Variants in DRAM1 observed in about 807,000 individuals in gnomAD.
DRAM1 encodes the protein DNA damage regulated autophagy modulator 1, also known as DNA damage-regulated autophagy modulator protein 1.
A neutral mutation model predicts 28.5 loss-of-function variants in DRAM1; 25 were observed. The observed-to-expected ratio is 0.88, with a 90% CI of 0.64 to 1.23. DRAM1 has a LOEUF of 1.23. Among genes scored for constraint, DRAM1 ranks in the 50% most tolerant of loss-of-function variants. DRAM1 has a pLI of 0.00. For synonymous variants in DRAM1, 113 were observed against 114.2 expected (o/e 0.99, Z 0.07); for missense variants, 249 against 299.2 (o/e 0.83, Z 1.24).
chr12:101,908,893 C>CAAAA (rs56843086), intron 4 of DRAM1, among the ~76,000 whole-genome samples: 22 of 70,838 alleles, frequency 3.1e-4, no homozygotes, highest in South Asian at 9.5e-4. Flanking sequence ...TCCCCACAAC[C>CAAAA]AAAAAAAAAA....
At position 101,921,384 on chromosome 12, in the gene DRAM1, T is replaced by C; in HGVS notation, c.*124T>C. 1.4e-6 allele frequency: 1 copy of C among 737,456 alleles called. No homozygotes were observed. The highest frequency in any genetic ancestry group is 1.6e-5 in the South Asian group (1 of 64,342). 45.7% of individuals were successfully genotyped at this position (737,456 alleles called of 1,614,324 possible). A position where few individuals can be genotyped will look rare whatever the true frequency, so the allele number is the denominator to read the frequency against. ...ATGCATCTGCAGCACATCCAGGACT[T>C]GAATTTCATTACGAGTTCCTAATAG... is the stretch of plus-strand genomic sequence containing the variant. On this transcript the variant is annotated 3_prime_UTR_variant, in exon 7 of 7. Transcript: ENST00000258534.
intron 1 of DRAM1, among the ~76,000 whole-genome samples, chr12:101,880,837 A>C (rs9971678): frequency 0.28 from 42,262 of 152,114 alleles, 6,359 homozygotes; most frequent in East Asian, 0.38. Context: ...CCTACAAGGA[A>C]GGGGTTTAAA....
intron 1 of DRAM1, among the ~76,000 whole-genome samples, chr12:101,896,834 C>G (rs1873391566): frequency 6.6e-6 from 1 of 151,260 alleles, no homozygotes; most frequent in South Asian, 2.1e-4. Flanking sequence ...GTTGCTTAGG[C>G]TGGAGTGCAA....
In DRAM1 at chr12:101,877,654, T is replaced by C. The variant is rs888554714; in HGVS notation, c.-136T>C. On this transcript the variant is annotated 5_prime_UTR_variant, in exon 1 of 7. Coordinates refer to ENST00000258534, the MANE Select transcript of DRAM1 (RefSeq NM_018370.3). The surrounding 1 kb of genome is among the most constrained non-coding windows in gnomAD (Gnocchi z 4.1). Reference sequence around the variant, plus strand: ...CTTCCCCTCCCTCCGGGGCTGGGCCTGCCCCGGCCGTCGCGGAGCCTCCCC... The same window carrying C: ...CTTCCCCTCCCTCCGGGGCTGGGCCCGCCCCGGCCGTCGCGGAGCCTCCCC... The C allele has an allele frequency of 1.8e-4, 100 of 563,276 alleles. 1 individual carries two copies. The East Asian group carries it at 3.7e-3, about 21-fold the overall frequency. The allele number at this position is 563,276 out of a possible 1,614,324, so 34.9% of individuals were successfully genotyped here.
intron 1 of DRAM1, among the ~76,000 whole-genome samples, chr12:101,896,116 G>GACCACAGGTGATCC (rs1222221493): frequency 1.3e-5 from 2 of 151,980 alleles, no homozygotes; most frequent in Non-Finnish European, 2.9e-5. Context: ...TCGAACTCCT[G>GACCACAGGTGATCC]ACCACAGGTG....
intron 3 of DRAM1, among the ~76,000 whole-genome samples, chr12:101,902,355 G>A (rs1049606484): frequency 6.6e-6 from 1 of 152,126 alleles, no homozygotes; most frequent in African/African-American, 2.4e-5. Context: ...ATAATGCATG[G>A]CAGAGGCGAG....
chr12:101,881,341 A>G (rs899711125), intron 1 of DRAM1, among the ~76,000 whole-genome samples: 1 of 132,598 alleles, frequency 7.5e-6, no homozygotes, highest in Non-Finnish European at 1.6e-5. Flanking sequence ...CTGGCCTTGA[A>G]ATATTCAACC....
intron 1 of DRAM1, among the ~76,000 whole-genome samples, chr12:101,879,886 C>T (rs1245905260): frequency 2.6e-5 from 4 of 151,570 alleles, no homozygotes; most frequent in African/African-American, 9.7e-5. Context: ...CCCAGCTACT[C>T]GGGAGGCTGA....
intron 1 of DRAM1, among the ~76,000 whole-genome samples, chr12:101,887,532 C>CT (rs574383974): frequency 0.039 from 5,590 of 143,776 alleles, 198 homozygotes; most frequent in South Asian, 0.11. Flanking sequence ...AGACTTTTTT[C>CT]TTTTTCTTTT....
chr12:101,901,362 G>C lies in DRAM1; in HGVS notation c.271G>C (p.Val91Leu), dbSNP rs1448379464. The change falls in exon 3 of 7, where the codon GTT becomes CTT. Residue 91 changes from valine (V) to leucine (L), a missense_variant. Physicochemically the swap from Val to Leu is conservative, Grantham distance 32. Around this residue, in one of 3 missense-constraint regions of DRAM1, gnomAD observed 218 missense variants for 243.1 expected, o/e 0.90. Coordinates refer to ENST00000258534, the MANE Select transcript of DRAM1 (RefSeq NM_018370.3). ...QNQTCYFSTPVFNLVSLVLGL... is the reference protein window; with the variant it reads ...QNQTCYFSTPLFNLVSLVLGL... ...TCAAACCTGCTATTTCAGCACTCCT[G>C]TTTTTAACTTGGTGTCTTTAGTGCT... 3.1e-6 allele frequency: 5 copies of C among 1,614,122 alleles called. No homozygotes were observed. Among genetic ancestry groups the C allele is most frequent in the Non-Finnish European group, 4.2e-6 (5 of 1,180,024 alleles).
intron 1 of DRAM1, among the ~76,000 whole-genome samples, chr12:101,883,093 G>T (rs1043739229): frequency 6.6e-6 from 1 of 150,702 alleles, no homozygotes; most frequent in African/African-American, 2.4e-5. Flanking sequence ...ATTGTTACAT[G>T]GGAAAAAGCA....
chr12:101,919,619 C>G (rs906090251), intron 5 of DRAM1, among the ~76,000 whole-genome samples: 3 of 152,156 alleles, frequency 2.0e-5, no homozygotes, highest in African/African-American at 7.2e-5. Flanking sequence ...CCTGAATGAT[C>G]ATTTCTATAT....
At chr12:101,892,473 C>T (rs1463081011) in intron 1 of DRAM1, among the ~76,000 whole-genome samples, 5 of 149,932 alleles carry the variant, frequency 3.3e-5, no homozygotes, top group Admixed American at 6.8e-5. Context: ...AGGCTGGTCT[C>T]GAGCCCCTAA....
At chr12:101,882,485 G>C (rs1373124333) in intron 1 of DRAM1, among the ~76,000 whole-genome samples, 1 of 151,282 alleles carries the variant, frequency 6.6e-6, no homozygotes, top group African/African-American at 2.4e-5. Flanking sequence ...CCTCTCCCCA[G>C]TATGGCATTT....
Position 101,877,767 on chromosome 12 carries a change from C to T in DRAM1, c.-23C>T. On this transcript the variant is annotated 5_prime_UTR_variant, in exon 1 of 7. Coordinates refer to ENST00000258534, the MANE Select transcript of DRAM1 (RefSeq NM_018370.3). The surrounding 1 kb of genome is among the most constrained non-coding windows in gnomAD (Gnocchi z 4.1). ...GCCCGGCCCCGCTGGGCGCAGCACT[C>T]CGTCGGCGGCGGCGGCGGCGCGATG... 6.8e-7 allele frequency: 1 copy of T among 1,475,138 alleles called. No homozygotes were observed. The highest frequency in any genetic ancestry group is 9.0e-7 in the Non-Finnish European group (1 of 1,109,464). The allele number at this position is 1,475,138 out of a possible 1,614,324, so 91.4% of individuals were successfully genotyped here.
chr12:101,888,436 GTAT>G (rs1872968434), intron 1 of DRAM1, among the ~76,000 whole-genome samples: 1 of 151,758 alleles, frequency 6.6e-6, no homozygotes, highest in Non-Finnish European at 1.5e-5. Context: ...TGGCCGAAAA[GTAT>G]TATTTTTGAG....
At position 101,877,772 on chromosome 12, in the gene DRAM1, G is replaced by C. The variant is rs1299972581; in HGVS notation, c.-18G>C. On this transcript the variant is annotated 5_prime_UTR_variant, in exon 1 of 7. Coordinates refer to ENST00000258534, the MANE Select transcript of DRAM1 (RefSeq NM_018370.3). This position sits in a 1 kb window ranked among gnomAD's most constrained non-coding sequence, Gnocchi z 4.1. Reference sequence around the variant, plus strand: ...GCCCCGCTGGGCGCAGCACTCCGTCGGCGGCGGCGGCGGCGCGATGCTGTG... The same window carrying C: ...GCCCCGCTGGGCGCAGCACTCCGTCCGCGGCGGCGGCGGCGCGATGCTGTG... 1.4e-5 allele frequency: 20 copies of C among 1,452,732 alleles called. No individual in the cohort carries two copies. In the Admixed American group the frequency reaches 4.4e-4, roughly 32 times the overall value. 90.0% of individuals were successfully genotyped at this position (1,452,732 alleles called of 1,614,324 possible).
intron 1 of DRAM1, among the ~76,000 whole-genome samples, chr12:101,884,109 G>A (rs12310820): frequency 2.0e-5 from 3 of 151,898 alleles, no homozygotes; most frequent in Non-Finnish European, 4.4e-5. Flanking sequence ...ATTTGCACTC[G>A]GGTGTGGTGC....
At chr12:101,898,999 C>T (rs10745931) in intron 2 of DRAM1, among the ~76,000 whole-genome samples, 51,206 of 152,032 alleles carry the variant, frequency 0.34, 8,773 homozygotes, top group East Asian at 0.39. Flanking sequence ...CTTAGTCCTT[C>T]TATAATCTCC....
Sources: allele counts gnomAD v4.1 joint callset (sites outside exome capture counted in the v4.1 genomes callset), GRCh38; gene constraint gnomAD v4.1.1; regional missense constraint gnomAD v4.1.1; non-coding constraint Gnocchi (gnomAD v3.1); transcripts MANE v1.5; gene names NCBI Gene and HGNC (gene_info 2026-07-23, HGNC 2026-07-21).